The following GOSR2 variants were observed in gnomAD, a reference collection of about 807,000 sequenced individuals.
GOSR2 encodes golgi SNAP receptor complex member 2.
Under a neutral mutation model 27.9 loss-of-function variants are expected in GOSR2, and 20 were observed. The ratio of observed to expected loss-of-function variants is 0.72; its 90% CI spans 0.50 to 1.04. The LOEUF (loss-of-function observed/expected upper bound fraction) is 1.04, where lower values mean the gene tolerates loss of function less well. GOSR2 is among the 50% of genes least tolerant of loss of function. The pLI, the probability that GOSR2 is intolerant of heterozygous loss-of-function variation, is 0.00. For missense variants in GOSR2, 261 were observed against 270.5 expected, an observed-to-expected ratio of 0.97 and a Z score of 0.25; for synonymous variants, 91 against 98.8, an observed-to-expected ratio of 0.92 and a Z score of 0.47.
chr17:46,931,853 G>T, intron 3 of GOSR2: 1 of 599,864 alleles, frequency 1.7e-6, no homozygotes, highest in Non-Finnish European at 3.0e-6. Flanking sequence ...CAAGCTGCTG[G>T]AATCTTGTGT....
rs555042077 is a variant in GOSR2 at position 46,931,978 on chromosome 17, C to T, written c.204-89C>T. ...GGTGGTGTAGGGAGAAGTAAGGAAA[C>T]GCCGTCTTTCCTCAGTACAAAGCCT... On this transcript the variant is annotated intron_variant, in intron 3 of 5. Transcript: ENST00000640051. 148 of 1,147,682 alleles carry T rather than the reference C, an allele frequency of 1.3e-4. No individual in the cohort carries two copies. The East Asian group carries it at 2.0e-3, about 16-fold the overall frequency. 71.1% of individuals were successfully genotyped at this position (1,147,682 alleles called of 1,614,324 possible).
downstream of GOSR2, among the ~76,000 whole-genome samples, chr17:46,970,154 G>A (rs1287174054): frequency 6.6e-6 from 1 of 152,160 alleles, no homozygotes; most frequent in Non-Finnish European, 1.5e-5. Context: ...AGTAAATGTG[G>A]TTCCATCCCA....
chr17:46,950,787 A>T (rs542911465), intron 6 of GOSR2, among the ~76,000 whole-genome samples: 1 of 152,222 alleles, frequency 6.6e-6, no homozygotes, highest in Admixed American at 6.5e-5. Context: ...GGCTGATGAG[A>T]TCAAAACTGT....
At chr17:46,945,585 CAG>C (rs376652772), downstream of GOSR2, among the ~76,000 whole-genome samples, 48 of 152,302 alleles carry the variant, frequency 3.2e-4, no homozygotes, top group African/African-American at 1.1e-3. Context: ...GGTAACTCAT[CAG>C]AGAGGAACAG....
In GOSR2 at chr17:46,955,566, A is replaced by G. The variant is rs1224502888; in HGVS notation, c.584-10968A>G. 3 of 152,170 alleles carry G rather than the reference A, an allele frequency of 2.0e-5. No homozygotes were observed. In the East Asian group the frequency reaches 5.8e-4, roughly 29 times the overall value. The allele number at this position is 152,170 out of a possible 1,614,324, so 9.4% of individuals were successfully genotyped here. On this transcript the variant is annotated intron_variant, in intron 6 of 6. Coordinates refer to the GOSR2 transcript ENST00000573224. ...CTTGAAAAGACTTGACATCTAAACTACACTTATTAAGGAAAAACTCATTAA... is the reference window on the plus strand; with the variant it reads ...CTTGAAAAGACTTGACATCTAAACTGCACTTATTAAGGAAAAACTCATTAA...
chr17:46,960,364 G>A (rs992624783), intron 6 of GOSR2, among the ~76,000 whole-genome samples: 4 of 152,102 alleles, frequency 2.6e-5, no homozygotes, highest in Non-Finnish European at 5.9e-5. Flanking sequence ...AAGTGCTGAC[G>A]AGGACATAGA....
rs984747848 is a variant in GOSR2 at position 46,939,433 on chromosome 17, C to T, written c.*673C>T. On this transcript the variant is annotated 3_prime_UTR_variant, in exon 6 of 6. Transcript: ENST00000640051. ...CTAAAGTGAGGCCAGTGTTATTTCCCGGGAGTGTTCAGTCTTGACCCTAGT... is the reference window on the plus strand; with the variant it reads ...CTAAAGTGAGGCCAGTGTTATTTCCTGGGAGTGTTCAGTCTTGACCCTAGT... 17 of 991,984 alleles carry T rather than the reference C, an allele frequency of 1.7e-5. No individual in the cohort carries two copies. The highest frequency in any genetic ancestry group is 1.7e-5 in the African/African-American group (1 of 57,316). 61.4% of individuals were successfully genotyped at this position (991,984 alleles called of 1,614,324 possible).
At chr17:46,973,669 G>T (rs953402010) in intron 6 of GOSR2, among the ~76,000 whole-genome samples, 16 of 152,130 alleles carry the variant, frequency 1.1e-4, no homozygotes, top group African/African-American at 3.9e-4. Flanking sequence ...TGCCGAGCTG[G>T]GGTTTGCTGT....
At chr17:46,950,340 G>A (rs529573876) in intron 6 of GOSR2, among the ~76,000 whole-genome samples, 1 of 152,310 alleles carries the variant, frequency 6.6e-6, no homozygotes, top group Non-Finnish European at 1.5e-5. Context: ...AGGTGGCAGA[G>A]GCAAGTGAAA....
chr17:46,944,760 C>A (rs1437732375), downstream of GOSR2, among the ~76,000 whole-genome samples: 4 of 151,976 alleles, frequency 2.6e-5, 1 homozygote, highest in Middle Eastern at 0.013. Context: ...CTACCACGCC[C>A]GGCTAATTTT....
At chr17:46,960,122 C>G (rs1267880067) in intron 6 of GOSR2, among the ~76,000 whole-genome samples, 2 of 152,188 alleles carry the variant, frequency 1.3e-5, no homozygotes, top group African/African-American at 4.8e-5. Context: ...TACCAAAAGA[C>G]TGGTATCCAA....
At chr17:46,923,905 G>A (rs1253254921) in intron 1 of GOSR2, 1 of 398,394 alleles carries the variant, frequency 2.5e-6, no homozygotes, top group Non-Finnish European at 4.4e-6. Flanking sequence ...TATTTTTGGG[G>A]GCGGGGGGCA....
chr17:46,931,042 G>C, intron 2 of GOSR2, 57 bp from the exon 3 acceptor site: 1 of 931,406 alleles, frequency 1.1e-6, no homozygotes, highest in East Asian at 2.4e-5. Flanking sequence ...ATTTATCATT[G>C]TAATTTAAGT....
intron 5 of GOSR2, among the ~76,000 whole-genome samples, chr17:46,938,191 G>GT (rs374417509): frequency 6.6e-6 from 1 of 151,858 alleles, no homozygotes; most frequent in East Asian, 1.9e-4. Flanking sequence ...ATTCTCCTGT[G>GT]TTTTTTTCTA....
At position 46,940,705 on chromosome 17, in the gene GOSR2, T is replaced by G; in HGVS notation, c.*1945T>G. The G allele has an allele frequency of 3.1e-6, 5 of 1,607,154 alleles. No homozygotes were observed. On this transcript the variant is annotated 3_prime_UTR_variant, in exon 6 of 6. Coordinates refer to ENST00000640051, the MANE Select transcript of GOSR2 (RefSeq NM_004287.5). ...TCTTTTCGTGGTGTGCACCAGTGCT[T>G]TCCACACTTGACAGTGGTTGGCTTT... is the stretch of plus-strand genomic sequence containing the variant.
chr17:46,931,364 C>G lies in GOSR2; in HGVS notation c.203+157C>G. The G allele has an allele frequency of 4.6e-6, 3 of 654,892 alleles. No homozygotes were observed. The South Asian group carries it at 5.3e-5, about 12-fold the overall frequency. The allele number at this position is 654,892 out of a possible 1,614,324, so 40.6% of individuals were successfully genotyped here. On this transcript the variant is annotated intron_variant, in intron 3 of 5. Coordinates refer to ENST00000640051, the MANE Select transcript of GOSR2 (RefSeq NM_004287.5). ...GCCCCCTCAAAGGGCACAATTCTAT[C>G]TGAGTGATGCCGCTCAAAATAAATA...
chr17:46,940,663 C>T lies in GOSR2; in HGVS notation c.*1903C>T, dbSNP rs1483130222. ...GGCAGAAGTCCCCGCACCCATCATGCGTGGACTGATAGGACATCTTTTCGT... is the reference window on the plus strand; with the variant it reads ...GGCAGAAGTCCCCGCACCCATCATGTGTGGACTGATAGGACATCTTTTCGT... On this transcript the variant is annotated 3_prime_UTR_variant, in exon 6 of 6. Coordinates refer to ENST00000640051, the MANE Select transcript of GOSR2 (RefSeq NM_004287.5). The T allele has an allele frequency of 5.6e-6, 9 of 1,613,182 alleles. No individual in the cohort carries two copies. Among genetic ancestry groups the T allele is most frequent in the South Asian group, 3.3e-5 (3 of 91,060 alleles).
rs77575884 is a variant in GOSR2 at position 46,973,887 on chromosome 17, C to G, written c.616-1312C>G. Among the ~76,000 whole-genome samples, 518 of 152,334 alleles carry G rather than the reference C, an allele frequency of 3.4e-3. 3 individuals are homozygous for G. Among genetic ancestry groups the G allele is most frequent in the African/African-American group, 0.012 (485 of 41,574 alleles). Reference sequence around the variant, plus strand: ...ATGGGGGCCATTTCTGCTGTACCCGCCACCTCGCATGCTCCATTCTTTGCC... The same window carrying G: ...ATGGGGGCCATTTCTGCTGTACCCGGCACCTCGCATGCTCCATTCTTTGCC... On this transcript the variant is annotated intron_variant, in intron 6 of 6. Transcript: ENST00000640723.
intron 6 of GOSR2, chr17:46,972,917 T>A (rs955232189): frequency 1.3e-5 from 2 of 153,800 alleles, no homozygotes; most frequent in African/African-American, 4.8e-5. Context: ...ATACTGGCAC[T>A]GACATGCAAA....
Sources: allele counts gnomAD v4.1 joint callset (sites outside exome capture counted in the v4.1 genomes callset), GRCh38; gene constraint gnomAD v4.1.1; transcripts MANE v1.5; gene names NCBI Gene and HGNC (gene_info 2026-07-23, HGNC 2026-07-21).